Variants in GSG1L observed in about 807,000 individuals in gnomAD.
The protein encoded by GSG1L is germ cell-specific gene 1-like protein.
In GSG1L, 24 loss-of-function variants were observed where a neutral mutation model predicts 42.1. The observed-to-expected ratio is 0.57, with a 90% CI of 0.41 to 0.80. The LOEUF is 0.80. Ranked by LOEUF, GSG1L falls within the 30% of genes least tolerant of loss-of-function variation. GSG1L has a pLI of 0.00. For synonymous variants in GSG1L, 215 were observed against 203.5 expected (o/e 1.06, Z -0.48); for missense variants, 445 against 472.2 (o/e 0.94, Z 0.53).
chr16:28,013,712 G>A (rs887987222), intron 1 of GSG1L, among the ~76,000 whole-genome samples: 11 of 152,306 alleles, frequency 7.2e-5, no homozygotes, highest in Non-Finnish European at 1.0e-4. Context: ...CAAGCGCCAC[G>A]TTAAGGCATC....
At chr16:27,991,780 G>C (rs1320250383) in intron 1 of GSG1L, among the ~76,000 whole-genome samples, 1 of 152,012 alleles carries the variant, frequency 6.6e-6, no homozygotes, top group Non-Finnish European at 1.5e-5. Context: ...CCAAAATCGT[G>C]GTATTCCAAA....
Position 27,959,677 on chromosome 16 carries a change from G to A in GSG1L, c.397+3479C>T, listed in dbSNP as rs556495350. ...GCGCACCTGTAGTCCCAGCTACTCG[G>A]AGCCTAAGGCAGAAGGATTGCTTGA... On this transcript the variant is annotated intron_variant, in intron 2 of 6. Transcript: ENST00000447459. Among the ~76,000 whole-genome samples the A allele has an allele frequency of 1.5e-4, 23 of 152,210 alleles. No homozygotes were observed. The South Asian group carries it at 4.6e-3, about 30-fold the overall frequency.
intron 3 of GSG1L, among the ~76,000 whole-genome samples, chr16:27,879,458 TA>T (rs978685885): frequency 1.3e-5 from 2 of 151,990 alleles, no homozygotes; most frequent in Non-Finnish European, 2.9e-5. Flanking sequence ...AATTAAAAAT[TA>T]AAAAAATTAG....
chr16:28,049,515 T>TAAAA (rs78866330), intron 1 of GSG1L, among the ~76,000 whole-genome samples: 2 of 134,224 alleles, frequency 1.5e-5, no homozygotes, highest in Non-Finnish European at 3.2e-5. Flanking sequence ...ACCCCACCTC[T>TAAAA]AAAAAAAAAA....
chr16:27,913,688 A>G (rs1388343849), intron 2 of GSG1L, among the ~76,000 whole-genome samples: 1 of 152,166 alleles, frequency 6.6e-6, no homozygotes, highest in Non-Finnish European at 1.5e-5. Flanking sequence ...TCATATAACA[A>G]TGGCAGAGGT....
intron 5 of GSG1L, among the ~76,000 whole-genome samples, chr16:27,824,252 C>A (rs1352341760): frequency 6.6e-6 from 1 of 152,210 alleles, no homozygotes; most frequent in East Asian, 1.9e-4. Context: ...ATTCTCCCAT[C>A]CTGGGTCACA....
At chr16:27,966,043 C>T (rs538969655) in intron 1 of GSG1L, among the ~76,000 whole-genome samples, 19 of 152,298 alleles carry the variant, frequency 1.2e-4, no homozygotes, top group African/African-American at 3.4e-4. Context: ...TTAAACGTGC[C>T]GGGCATTCTC....
chr16:27,938,477 CA>C (rs2084745924), intron 2 of GSG1L, among the ~76,000 whole-genome samples: 1 of 145,042 alleles, frequency 6.9e-6, no homozygotes, highest in Non-Finnish European at 1.5e-5. Flanking sequence ...CCCATTGAGA[CA>C]AATGTCCCTG....
intron 3 of GSG1L, among the ~76,000 whole-genome samples, chr16:27,855,254 G>A (rs2083563152): frequency 6.6e-6 from 1 of 152,148 alleles, no homozygotes; most frequent in Admixed American, 6.5e-5. Context: ...CCCATTAGGT[G>A]TGCATTTCAC....
intron 6 of GSG1L, among the ~76,000 whole-genome samples, chr16:27,803,766 C>CATATAT (rs3047681): frequency 0.022 from 2,557 of 117,386 alleles, 25 homozygotes; most frequent in Middle Eastern, 0.041. Context: ...ACAGTGCAGA[C>CATATAT]ATATATATAT....
chr16:27,902,292 T>C (rs1046662500), intron 2 of GSG1L, among the ~76,000 whole-genome samples: 1 of 152,158 alleles, frequency 6.6e-6, no homozygotes, highest in African/African-American at 2.4e-5. Context: ...AAAAAACTGC[T>C]TCCAGGAGAA....
At chr16:27,915,172 AG>A (rs2084438502) in intron 2 of GSG1L, among the ~76,000 whole-genome samples, 1 of 145,888 alleles carries the variant, frequency 6.9e-6, no homozygotes, top group African/African-American at 2.5e-5. Flanking sequence ...GAGGGAGCAG[AG>A]GTGTCTCTTC....
At chr16:27,870,377 C>T (rs2083803038) in intron 3 of GSG1L, among the ~76,000 whole-genome samples, 1 of 150,364 alleles carries the variant, frequency 6.7e-6, no homozygotes, top group Non-Finnish European at 1.5e-5. Flanking sequence ...CCATCACTCT[C>T]TCTTTCTCTC....
chr16:27,975,189 G>A (rs190936559), intron 1 of GSG1L, among the ~76,000 whole-genome samples: 10 of 152,110 alleles, frequency 6.6e-5, no homozygotes, highest in East Asian at 5.8e-4. Context: ...TGTCAAAACC[G>A]CAACAGGGAG....
At chr16:27,852,730 C>T (rs943451901) in intron 3 of GSG1L, among the ~76,000 whole-genome samples, 1 of 152,052 alleles carries the variant, frequency 6.6e-6, no homozygotes, top group Non-Finnish European at 1.5e-5. Flanking sequence ...CCTGAGGACC[C>T]GGGGCAGGAA....
chr16:28,042,028 A>G (rs573365890), intron 1 of GSG1L, among the ~76,000 whole-genome samples: 41 of 152,326 alleles, frequency 2.7e-4, no homozygotes, highest in South Asian at 6.2e-4. Context: ...TACATTCGCC[A>G]TTTCTGTTAT....
chr16:27,911,178 T>C (rs2084383011), intron 2 of GSG1L, among the ~76,000 whole-genome samples: 1 of 151,978 alleles, frequency 6.6e-6, no homozygotes, highest in Non-Finnish European at 1.5e-5. Flanking sequence ...TTCCTTGGAG[T>C]TTCTTGGCAG....
intron 1 of GSG1L, among the ~76,000 whole-genome samples, chr16:28,046,264 C>T (rs1393646441): frequency 1.3e-5 from 2 of 151,630 alleles, no homozygotes; most frequent in Non-Finnish European, 2.9e-5. Context: ...AGGCCATACA[C>T]ATCCGCAGGC....
At chr16:27,844,439 C>G (rs1171748874) in intron 4 of GSG1L, among the ~76,000 whole-genome samples, 1 of 152,160 alleles carries the variant, frequency 6.6e-6, no homozygotes, top group East Asian at 1.9e-4. Context: ...GCTTCCATCT[C>G]CAACCTTCCA....
Sources: gnomAD v4.1 joint callset for allele counts (sites outside exome capture counted in the v4.1 genomes callset) on GRCh38, gnomAD v4.1.1 for gene constraint, MANE v1.5 for transcripts, NCBI Gene and HGNC (gene_info 2026-07-23, HGNC 2026-07-21) for gene names.